SYNE1: variants seen among roughly 807,000 people sequenced by gnomAD.
The protein encoded by SYNE1 is nesprin-1.
In SYNE1, 616 loss-of-function variants were observed where a neutral mutation model predicts 1,111.0. That is an observed-to-expected ratio of 0.55 (90% CI 0.52 to 0.59). The LOEUF is 0.59. SYNE1 is among the 20% of genes least tolerant of loss of function. The pLI is 0.00. For synonymous variants in SYNE1, 3,855 were observed against 3,825.8 expected (o/e 1.01, Z -0.28); for missense variants, 10,006 against 10,417.0 (o/e 0.96, Z 1.72).
intron 4 of SYNE1, 147 bp from the exon 5 acceptor site, chr6:152,526,322 C>A: frequency 1.3e-6 from 1 of 789,298 alleles, no homozygotes; most frequent in Non-Finnish European, 2.1e-6. Flanking sequence ...ATTGAGTTGC[C>A]AATTGCCTTT....
chr6:152,589,584 A>C (rs527681971), intron 3 of SYNE1, among the ~76,000 whole-genome samples: 1 of 152,286 alleles, frequency 6.6e-6, no homozygotes, highest in Non-Finnish European at 1.5e-5. Flanking sequence ...GTCTGCAGTC[A>C]ACATTTCATC....
At chr6:152,456,771 G>C (rs2098699254) in intron 22 of SYNE1, 2 of 446,910 alleles carry the variant, frequency 4.5e-6, no homozygotes, top group South Asian at 1.6e-5. Context: ...TTTTTGGCTT[G>C]AATTACACCA....
At chr6:152,129,272 T>G (rs900093237) in intron 145 of SYNE1, 2 of 152,362 alleles carry the variant, frequency 1.3e-5, no homozygotes, top group African/African-American at 4.8e-5. Flanking sequence ...CATCATAACA[T>G]AAGCGCTTTC....
intron 137 of SYNE1, chr6:152,145,550 T>C (rs372305836): frequency 6.2e-7 from 1 of 1,613,922 alleles, no homozygotes; most frequent in Non-Finnish European, 8.5e-7. Flanking sequence ...TCGGGGATCA[T>C]TACATCTGCA....
chr6:152,268,931 C>A (rs1318073670), intron 99 of SYNE1, among the ~76,000 whole-genome samples: 3 of 152,156 alleles, frequency 2.0e-5, no homozygotes, highest in Admixed American at 2.0e-4. Context: ...TATTTGTAAA[C>A]CTAAACACAA....
intron 73 of SYNE1, 94 bp from the exon 74 acceptor site, chr6:152,344,321 A>G: frequency 6.5e-7 from 1 of 1,531,076 alleles, no homozygotes; most frequent in South Asian, 1.1e-5. Flanking sequence ...GTACATCTAA[A>G]TGGATTTTCC....
intron 131 of SYNE1, among the ~76,000 whole-genome samples, chr6:152,161,512 T>C (rs1330969556): frequency 2.0e-5 from 3 of 152,088 alleles, no homozygotes; most frequent in African/African-American, 7.2e-5. Context: ...TGGCATCCTA[T>C]CATTTTATGA....
At chr6:152,451,521 C>T (rs1246571481) in intron 25 of SYNE1, among the ~76,000 whole-genome samples, 4 of 120,408 alleles carry the variant, frequency 3.3e-5, no homozygotes, top group East Asian at 2.5e-4. Flanking sequence ...CTCGCTCTGT[C>T]GCCCAGGGTG....
At chr6:152,401,064 T>G in intron 47 of SYNE1, 74 bp downstream of exon 47, 1 of 1,475,490 alleles carries the variant, frequency 6.8e-7, no homozygotes, top group Non-Finnish European at 9.4e-7. Context: ...GTTATATTTT[T>G]TATTATAGTC....
intron 104 of SYNE1, among the ~76,000 whole-genome samples, chr6:152,252,680 T>C (rs896009952): frequency 2.0e-5 from 3 of 152,190 alleles, no homozygotes; most frequent in Non-Finnish European, 2.9e-5. Flanking sequence ...AAAAGGAAAA[T>C]AGTTTGTGAC....
intron 3 of SYNE1, among the ~76,000 whole-genome samples, chr6:152,573,791 T>A (rs2099483659): frequency 6.6e-6 from 1 of 152,142 alleles, no homozygotes; most frequent in Non-Finnish European, 1.5e-5. Context: ...AAGAAAATGA[T>A]CAAACTAACA....
At chr6:152,584,850 T>G (rs1259100615) in intron 3 of SYNE1, among the ~76,000 whole-genome samples, 2 of 152,248 alleles carry the variant, frequency 1.3e-5, no homozygotes, top group African/African-American at 4.8e-5. Flanking sequence ...TACATTTAAA[T>G]CTTCATCATA....
chr6:152,258,836 C>A (rs1049117645), intron 101 of SYNE1, among the ~76,000 whole-genome samples: 2 of 151,888 alleles, frequency 1.3e-5, no homozygotes, highest in Non-Finnish European at 2.9e-5. Flanking sequence ...CCTCTGCCTC[C>A]CGGGTTCAAG....
chr6:152,428,779 G>T (rs547593882), intron 36 of SYNE1, among the ~76,000 whole-genome samples: 1 of 152,052 alleles, frequency 6.6e-6, no homozygotes, highest in South Asian at 2.1e-4. Flanking sequence ...TATTTTAAAA[G>T]GTCTGTGCCC....
At chr6:152,488,607 C>T in intron 11 of SYNE1, 104 bp from the exon 12 acceptor site, 3 of 685,112 alleles carry the variant, frequency 4.4e-6, no homozygotes, top group Non-Finnish European at 7.4e-6. Context: ...TTAGTAAGTC[C>T]CAACTGTCTC....
chr6:152,477,951 G>A (rs1320782815), intron 14 of SYNE1, among the ~76,000 whole-genome samples: 3 of 152,206 alleles, frequency 2.0e-5, no homozygotes, highest in East Asian at 3.9e-4. Context: ...ATTTTTTGTA[G>A]AGACAGAGTC....
chr6:152,446,549 G>A (rs773905425), intron 29 of SYNE1, among the ~76,000 whole-genome samples: 1 of 152,142 alleles, frequency 6.6e-6, no homozygotes, highest in African/African-American at 2.4e-5. Flanking sequence ...TGTTAGATGA[G>A]AAATCTCTGT....
At chr6:152,220,080 A>G (rs1447332889) in intron 119 of SYNE1, among the ~76,000 whole-genome samples, 2 of 152,248 alleles carry the variant, frequency 1.3e-5, no homozygotes, top group Non-Finnish European at 1.5e-5. Context: ...TGAAAAAAGC[A>G]CTGTATTATC....
intron 14 of SYNE1, among the ~76,000 whole-genome samples, chr6:152,480,447 G>A (rs565902343): frequency 3.3e-5 from 5 of 152,154 alleles, no homozygotes; most frequent in Non-Finnish European, 7.3e-5. Flanking sequence ...CTTGAACCTG[G>A]GAAGAAGAGG....
Sources: allele counts gnomAD v4.1 joint callset (sites outside exome capture counted in the v4.1 genomes callset), GRCh38; gene constraint gnomAD v4.1.1; transcripts MANE v1.5; gene names NCBI Gene and HGNC (gene_info 2026-07-23, HGNC 2026-07-21).